The following PIEZO2 variants were observed in gnomAD, a reference collection of about 807,000 sequenced individuals.
PIEZO2 encodes piezo type mechanosensitive ion channel component 2, also known as piezo-type mechanosensitive ion channel component 2.
In PIEZO2, 172 loss-of-function variants were observed where a neutral mutation model predicts 337.3. That is an observed-to-expected ratio of 0.51 (90% confidence interval 0.45 to 0.58). The LOEUF (loss-of-function observed/expected upper bound fraction) is 0.58. Ranked by LOEUF, PIEZO2 falls within the 20% of genes least tolerant of loss-of-function variation. PIEZO2 has a pLI of 0.00. For missense variants in PIEZO2, 3,028 were observed against 3,391.3 expected (o/e 0.89, Z 2.66); for synonymous variants, 1,251 against 1,228.5 (o/e 1.02, Z -0.38).
intron 7 of PIEZO2, among the ~76,000 whole-genome samples, chr18:10,808,889 GTCCTTC>G (rs1366710410): frequency 6.6e-6 from 1 of 152,234 alleles, no homozygotes. Context: ...CAGCCGCTGA[GTCCTTC>G]TCCTTGCTCC....
chr18:10,767,661 C>T lies in PIEZO2; in HGVS notation c.2946+2487G>A, dbSNP rs1463029622. 2.0e-5 allele frequency among the ~76,000 whole-genome samples: 3 copies of T among 152,168 alleles called. No homozygotes were observed. Among genetic ancestry groups the T allele is most frequent in the Admixed American group, 1.3e-4 (2 of 15,276 alleles). ...GGTTACAGGGTGCAGAGTCTCTTTGCTGGGCTCCATGTGTACAAGCAGAGC... is the reference window on the plus strand; with the variant it reads ...GGTTACAGGGTGCAGAGTCTCTTTGTTGGGCTCCATGTGTACAAGCAGAGC... On this transcript the variant is annotated intron_variant, in intron 21 of 55. Coordinates refer to ENST00000674853, the MANE Select transcript of PIEZO2 (RefSeq NM_001378183.1). This position sits in a 1 kb window ranked among gnomAD's most constrained non-coding sequence, Gnocchi z 4.2.
rs1468060724 is a variant in PIEZO2 at position 10,929,654 on chromosome 18, C to T, written c.287-18426G>A. Among the ~76,000 whole-genome samples, 4 of 152,136 alleles carry T rather than the reference C, an allele frequency of 2.6e-5. No individual in the cohort carries two copies. The highest frequency in any genetic ancestry group is 1.3e-4 in the Admixed American group (2 of 15,280). On this transcript the variant is annotated intron_variant, in intron 3 of 55. Transcript: ENST00000674853. This position sits in a 1 kb window ranked among gnomAD's most constrained non-coding sequence, Gnocchi z 5.6. ...CTCAGGACAGATCCCGCTATCCTCT[C>T]CCATAACTTAGTCTTTTACAGTGTT... is the stretch of plus-strand genomic sequence containing the variant.
At position 10,762,272 on chromosome 18, in the gene PIEZO2, T is replaced by C. The variant is rs144316251; in HGVS notation, c.3249+228A>G. On this transcript the variant is annotated intron_variant, in intron 23 of 55. Coordinates refer to ENST00000674853, the MANE Select transcript of PIEZO2 (RefSeq NM_001378183.1). ...CATGATTGTATAATGTTCCAATGAA[T>C]GTATTTGTCATACTTTATTCAAGCA... Among the ~76,000 whole-genome samples the C allele has an allele frequency of 3.9e-5, 6 of 152,364 alleles. No homozygotes were observed. The East Asian group carries it at 1.2e-3, about 29-fold the overall frequency.
intron 2 of PIEZO2, among the ~76,000 whole-genome samples, chr18:11,029,989 T>C (rs1164531313): frequency 6.6e-6 from 1 of 152,228 alleles, no homozygotes; most frequent in Non-Finnish European, 1.5e-5. Flanking sequence ...AAATATTTTT[T>C]ATCTCTTCTG....
chr18:10,931,067 A>C (rs765540406), intron 3 of PIEZO2, among the ~76,000 whole-genome samples: 1 of 152,132 alleles, frequency 6.6e-6, no homozygotes, highest in Non-Finnish European at 1.5e-5. Flanking sequence ...TATTAGGTGC[A>C]AGTCACTCAT....
At chr18:11,065,649 G>T (rs2038121332) in intron 2 of PIEZO2, among the ~76,000 whole-genome samples, 1 of 152,128 alleles carries the variant, frequency 6.6e-6, no homozygotes, top group Admixed American at 6.5e-5. Context: ...ACATATTTAA[G>T]AAACCTCAAC....
intron 52 of PIEZO2, among the ~76,000 whole-genome samples, chr18:10,679,716 A>T (rs1399595414): frequency 6.6e-6 from 1 of 152,202 alleles, no homozygotes; most frequent in Admixed American, 6.5e-5. Flanking sequence ...TCTAAGATGC[A>T]TGAGGAAAAC....
chr18:10,845,494 T>TA (rs1485768364), intron 7 of PIEZO2, among the ~76,000 whole-genome samples: 33 of 152,062 alleles, frequency 2.2e-4, no homozygotes, highest in Non-Finnish European at 3.4e-4. Flanking sequence ...ATAATAATAA[T>TA]AAAAAAATCA....
chr18:11,057,608 A>T (rs909254116), intron 2 of PIEZO2, among the ~76,000 whole-genome samples: 1 of 152,180 alleles, frequency 6.6e-6, no homozygotes, highest in Non-Finnish European at 1.5e-5. Flanking sequence ...AATACTATAG[A>T]CTTCCCAGGG....
At chr18:10,770,625 C>T (rs1195031318) in intron 20 of PIEZO2, among the ~76,000 whole-genome samples, 3 of 152,306 alleles carry the variant, frequency 2.0e-5, no homozygotes, top group Admixed American at 6.5e-5. Flanking sequence ...CTCTCTCTCT[C>T]TTTCTGACAG....
At chr18:10,944,292 CAG>C (rs1228271776) in intron 3 of PIEZO2, among the ~76,000 whole-genome samples, 1 of 151,690 alleles carries the variant, frequency 6.6e-6, no homozygotes, top group African/African-American at 2.4e-5. Flanking sequence ...CTACCCTAAT[CAG>C]AGTTTTAAAA....
In PIEZO2 at chr18:10,767,549, GTGA is replaced by G. The variant is rs1236081215; in HGVS notation, c.2946+2596_2946+2598del. On this transcript the variant is annotated intron_variant, in intron 21 of 55. Coordinates refer to ENST00000674853, the MANE Select transcript of PIEZO2 (RefSeq NM_001378183.1). The surrounding 1 kb of genome is among the most constrained non-coding windows in gnomAD (Gnocchi z 4.2). ...AGAACGTCCTCTGCGCGCAGCCCGAGTGAGGAGCTAATGACTCGGAGCCCGATG... is the reference window on the plus strand; with the variant it reads ...AGAACGTCCTCTGCGCGCAGCCCGAGGGAGCTAATGACTCGGAGCCCGATG... Among the ~76,000 whole-genome samples the G allele has an allele frequency of 6.6e-6, 1 of 152,176 alleles. No homozygotes were observed. The highest frequency in any genetic ancestry group is 1.5e-5 in the Non-Finnish European group (1 of 68,032).
intron 31 of PIEZO2, 89 bp downstream of exon 31, chr18:10,744,053 G>T: frequency 1.1e-6 from 1 of 912,546 alleles, no homozygotes; most frequent in Non-Finnish European, 1.7e-6. Flanking sequence ...TTTTTCAGGG[G>T]TTTGAGGCTC....
Position 11,148,729 on chromosome 18 carries a change from GACGCTCTCCGCC to G in PIEZO2, c.-153_-142del. The G allele has an allele frequency of 2.4e-6, 2 of 844,046 alleles. No homozygotes were observed. Among genetic ancestry groups the G allele is most frequent in the Non-Finnish European group, 3.6e-6 (2 of 549,664 alleles). 52.3% of individuals were successfully genotyped at this position (844,046 alleles called of 1,614,324 possible). On this transcript the variant is annotated 5_prime_UTR_variant, in exon 1 of 56. Coordinates refer to ENST00000674853, the MANE Select transcript of PIEZO2 (RefSeq NM_001378183.1). The surrounding 1 kb of genome is among the most constrained non-coding windows in gnomAD (Gnocchi z 5.2). ...CGAGCATCGCCTCGGCGCGGGCCGC[GACGCTCTCCGCC>G]CCGAGGGCACGCTCCCGGGGCTCTT...
At chr18:10,744,115 G>A in intron 31 of PIEZO2, 27 bp downstream of exon 31, 11 of 1,469,374 alleles carry the variant, frequency 7.5e-6, no homozygotes, top group Non-Finnish European at 1.0e-5. Flanking sequence ...AAGACGGAAG[G>A]AGGATGAGCA....
At chr18:10,742,798 TTGTGTGTGTG>T (rs71169946) in intron 31 of PIEZO2, among the ~76,000 whole-genome samples, 183 bp from the exon 32 acceptor site, 309 of 115,624 alleles carry the variant, frequency 2.7e-3, no homozygotes, top group African/African-American at 0.015. Flanking sequence ...ATATACATAT[TTGTGTGTGTG>T]TGTGTGTGTG....
At chr18:10,900,616 G>C (rs11663246) in intron 4 of PIEZO2, among the ~76,000 whole-genome samples, 1 of 151,920 alleles carries the variant, frequency 6.6e-6, no homozygotes, top group Non-Finnish European at 1.5e-5. Context: ...GTCTTGGCAC[G>C]TCAGTTTTCC....
At chr18:11,137,531 T>C (rs912116175) in intron 1 of PIEZO2, among the ~76,000 whole-genome samples, 5 of 152,252 alleles carry the variant, frequency 3.3e-5, no homozygotes, top group Non-Finnish European at 1.5e-5. Flanking sequence ...TAGCTCGTTA[T>C]GAACAGGATC....
At chr18:10,917,436 A>G (rs1189525659) in intron 3 of PIEZO2, among the ~76,000 whole-genome samples, 2 of 152,168 alleles carry the variant, frequency 1.3e-5, no homozygotes, top group East Asian at 3.8e-4. Context: ...CTCTGTCTTC[A>G]TATTGTAAAT....
Sources: allele counts gnomAD v4.1 joint callset (sites outside exome capture counted in the v4.1 genomes callset), GRCh38; gene constraint gnomAD v4.1.1; non-coding constraint Gnocchi (gnomAD v3.1); transcripts MANE v1.5; gene names NCBI Gene and HGNC (gene_info 2026-07-23, HGNC 2026-07-21).